Variants in IGSF11 observed in about 807,000 individuals in gnomAD.
The protein encoded by IGSF11 is immunoglobulin superfamily member 11, also known as CXADR like 1.
Under a neutral mutation model 41.0 loss-of-function variants are expected in IGSF11, and 22 were observed. That is an observed-to-expected ratio of 0.54 (90% CI 0.38 to 0.77). The LOEUF is 0.77. Ranked by LOEUF, IGSF11 falls within the 30% of genes least tolerant of loss-of-function variation. IGSF11 has a pLI of 0.00. For synonymous variants in IGSF11, 219 were observed against 201.3 expected, an observed-to-expected ratio of 1.09 and a Z score of -0.74; for missense variants, 444 against 530.8, an observed-to-expected ratio of 0.84 and a Z score of 1.61.
intron 1 of IGSF11, among the ~76,000 whole-genome samples, chr3:119,062,696 G>A (rs1190844507): frequency 6.6e-6 from 1 of 152,122 alleles, no homozygotes; most frequent in Non-Finnish European, 1.5e-5. Flanking sequence ...AGCTATTGAT[G>A]GAAATGTTTC....
At chr3:118,903,450 G>A in intron 6 of IGSF11, among the ~76,000 whole-genome samples, 1 of 152,018 alleles carries the variant, frequency 6.6e-6, no homozygotes, top group East Asian at 1.9e-4. Flanking sequence ...TAAACTAGGT[G>A]CCATAAAATA....
At chr3:119,091,955 A>G (rs2717270) in intron 1 of IGSF11, among the ~76,000 whole-genome samples, 16,720 of 145,110 alleles carry the variant, frequency 0.12, 1,102 homozygotes, top group East Asian at 0.25. Context: ...TTGTATAACT[A>G]TACAATGTGT....
At chr3:119,098,204 A>G (rs976290925) in intron 1 of IGSF11, among the ~76,000 whole-genome samples, 1 of 151,956 alleles carries the variant, frequency 6.6e-6, no homozygotes, top group Non-Finnish European at 1.5e-5. Context: ...TGCTGACTCC[A>G]TCATTTATAT....
At chr3:119,130,674 G>A (rs760490287) in intron 1 of IGSF11, among the ~76,000 whole-genome samples, 17 of 152,188 alleles carry the variant, frequency 1.1e-4, no homozygotes, top group South Asian at 6.2e-4. Flanking sequence ...AGACTTAAAC[G>A]TCCCTGTCTG....
chr3:118,989,545 G>A (rs773937988), intron 1 of IGSF11, among the ~76,000 whole-genome samples: 3 of 151,976 alleles, frequency 2.0e-5, no homozygotes, highest in Non-Finnish European at 4.4e-5. Context: ...TAGAAGACAC[G>A]GGGTTTCACC....
At chr3:118,922,352 T>C (rs976621342) in intron 4 of IGSF11, among the ~76,000 whole-genome samples, 28 of 152,120 alleles carry the variant, frequency 1.8e-4, no homozygotes, top group Admixed American at 1.6e-3. Flanking sequence ...ATATATACTG[T>C]GAAAAGATTA....
chr3:119,130,518 T>A (rs2077467494), intron 1 of IGSF11, among the ~76,000 whole-genome samples: 1 of 152,166 alleles, frequency 6.6e-6, no homozygotes, highest in Non-Finnish European at 1.5e-5. Context: ...GGCATCCACA[T>A]TACTGAGGCT....
intron 1 of IGSF11, among the ~76,000 whole-genome samples, chr3:119,047,310 A>G (rs1394304696): frequency 1.3e-5 from 2 of 152,196 alleles, no homozygotes; most frequent in Non-Finnish European, 2.9e-5. Flanking sequence ...AGATCTACCA[A>G]GCAAATGGAA....
intron 1 of IGSF11, among the ~76,000 whole-genome samples, chr3:118,986,286 C>T (rs568531955): frequency 2.7e-4 from 41 of 152,266 alleles, no homozygotes; most frequent in African/African-American, 9.1e-4. Flanking sequence ...CATCGCACCC[C>T]ATTTAAATGT....
chr3:119,128,660 T>C (rs2077437142), intron 1 of IGSF11, among the ~76,000 whole-genome samples: 1 of 152,168 alleles, frequency 6.6e-6, no homozygotes, highest in African/African-American at 2.4e-5. Context: ...AGAAGGGTAT[T>C]ACATAATGGT....
At chr3:118,931,420 T>C (rs544139881) in intron 1 of IGSF11, among the ~76,000 whole-genome samples, 1 of 152,280 alleles carries the variant, frequency 6.6e-6, no homozygotes, top group Non-Finnish European at 1.5e-5. Flanking sequence ...CATCAACTGG[T>C]GAATGGACAA....
intron 1 of IGSF11, among the ~76,000 whole-genome samples, chr3:119,134,030 ACT>A (rs1327904976): frequency 6.6e-6 from 1 of 152,098 alleles, no homozygotes; most frequent in Non-Finnish European, 1.5e-5. Context: ...CATGCTAAAA[ACT>A]CTCAATAAAC....
chr3:118,954,271 T>C (rs1461898960), intron 1 of IGSF11, among the ~76,000 whole-genome samples: 1 of 152,176 alleles, frequency 6.6e-6, no homozygotes, highest in Non-Finnish European at 1.5e-5. Context: ...CATGTGCCTA[T>C]TTTTATGCCA....
intron 4 of IGSF11, among the ~76,000 whole-genome samples, chr3:118,916,619 G>A (rs1941129981): frequency 1.3e-5 from 2 of 151,050 alleles, no homozygotes; most frequent in Admixed American, 1.3e-4. Context: ...AGTCCTGAGT[G>A]ACCTACAAAG....
intron 1 of IGSF11, among the ~76,000 whole-genome samples, chr3:119,093,423 C>G (rs1454462597): frequency 6.6e-6 from 1 of 150,724 alleles, no homozygotes; most frequent in African/African-American, 2.4e-5. Flanking sequence ...TTTTTTAAAC[C>G]TGACCGTTAA....
intron 1 of IGSF11, among the ~76,000 whole-genome samples, chr3:119,116,470 C>T (rs1485845319): frequency 6.6e-6 from 1 of 152,106 alleles, no homozygotes; most frequent in Non-Finnish European, 1.5e-5. Context: ...TGTAAAATCA[C>T]CTTTGCAGAA....
rs377746200 is a variant in IGSF11 at position 119,097,957 on chromosome 3, A to ATTTTTTTTTTTTTTTTTTT, written c.49+7168_49+7186dup. On this transcript the variant is annotated intron_variant, in intron 1 of 6. Transcript: ENST00000354673. ...AGGCACATGCCACCACATTCAGCTAATTTTTTTTTTTTTTTTTTTTTTTTT... is the reference window on the plus strand; with the variant it reads ...AGGCACATGCCACCACATTCAGCTAATTTTTTTTTTTTTTTTTTTTTTTTTTTTTTTTTTTTTTTTTTTT... 6.2e-3 allele frequency among the ~76,000 whole-genome samples: 364 copies of ATTTTTTTTTTTTTTTTTTT among 58,360 alleles called. 59 individuals are homozygous for ATTTTTTTTTTTTTTTTTTT. Among genetic ancestry groups the ATTTTTTTTTTTTTTTTTTT allele is most frequent in the Non-Finnish European group, 0.01 (302 of 29,260 alleles). The allele number at this position is 58,360 out of a possible 152,430, so 38.3% of individuals were successfully genotyped here.
chr3:118,925,985 G>T, intron 4 of IGSF11, 116 bp downstream of exon 4: 1 of 644,236 alleles, frequency 1.6e-6, no homozygotes, highest in Non-Finnish European at 2.4e-6. Flanking sequence ...GATCCAGAAA[G>T]CTTTTTCAGC....
At chr3:119,051,667 A>T (rs993781424) in intron 1 of IGSF11, among the ~76,000 whole-genome samples, 3 of 152,238 alleles carry the variant, frequency 2.0e-5, no homozygotes, top group East Asian at 1.9e-4. Flanking sequence ...CAACAACTGC[A>T]CAATATACAT....
Sources: allele counts gnomAD v4.1 joint callset (sites outside exome capture counted in the v4.1 genomes callset), GRCh38; gene constraint gnomAD v4.1.1; transcripts MANE v1.5; gene names NCBI Gene and HGNC (gene_info 2026-07-23, HGNC 2026-07-21).